ERC1: variants seen among roughly 807,000 people sequenced by gnomAD.
ERC1 encodes ELKS/RAB6-interacting/CAST family member 1, also known as RAB6 interacting protein 2.
A neutral mutation model predicts 132.0 loss-of-function variants in ERC1; 56 were observed. The observed-to-expected ratio is 0.42, with a 90% CI of 0.34 to 0.53. The LOEUF is 0.53. Ranked by LOEUF, ERC1 falls within the 20% of genes least tolerant of loss-of-function variation. The pLI is 0.03. For missense variants in ERC1, 1,202 were observed against 1,349.9 expected, an observed-to-expected ratio of 0.89 and a Z score of 1.72; for synonymous variants, 478 against 476.1, an observed-to-expected ratio of 1.00 and a Z score of -0.05.
chr12:1,073,110 G>C (rs1940704986), intron 2 of ERC1, among the ~76,000 whole-genome samples: 1 of 152,050 alleles, frequency 6.6e-6, no homozygotes, highest in Non-Finnish European at 1.5e-5. Flanking sequence ...GACCATCCTG[G>C]CCAATATGGT....
chr12:1,170,287 GTTAAGTGT>G (rs1471250120), intron 8 of ERC1, among the ~76,000 whole-genome samples: 1 of 152,004 alleles, frequency 6.6e-6, no homozygotes, highest in Non-Finnish European at 1.5e-5. Flanking sequence ...GCCTTTTATT[GTTAAGTGT>G]TTAATTATTC....
At chr12:993,850 C>T (rs1016417062) in intron 1 of ERC1, among the ~76,000 whole-genome samples, 2 of 151,960 alleles carry the variant, frequency 1.3e-5, no homozygotes, top group Non-Finnish European at 2.9e-5. Context: ...TGCAGTGAGC[C>T]GAGATCATGC....
intron 15 of ERC1, among the ~76,000 whole-genome samples, chr12:1,309,438 T>G (rs868644339): frequency 4.6e-5 from 7 of 152,206 alleles, no homozygotes; most frequent in Middle Eastern, 3.2e-3. Context: ...GATGACATCT[T>G]AGTTTAGGAA....
intron 7 of ERC1, among the ~76,000 whole-genome samples, chr12:1,125,684 G>T (rs1171961919): frequency 6.6e-6 from 1 of 152,028 alleles, no homozygotes; most frequent in Non-Finnish European, 1.5e-5. Flanking sequence ...GCACGGTGGT[G>T]CGCACCTGTA....
chr12:1,431,371 C>T (rs1047700092), intron 17 of ERC1, among the ~76,000 whole-genome samples: 3 of 152,152 alleles, frequency 2.0e-5, no homozygotes, highest in African/African-American at 7.2e-5. Context: ...CCAATAGAAA[C>T]ATTTAACCTA....
chr12:1,091,497 G>A (rs1025337733), intron 3 of ERC1, among the ~76,000 whole-genome samples: 1 of 152,132 alleles, frequency 6.6e-6, no homozygotes, highest in Admixed American at 6.5e-5. Context: ...ACTGTATAAG[G>A]GGAAGACTTA....
rs181645890 is a variant in ERC1, at chr12:1,285,140, G to A, written c.2620-4712G>A. ...CCTTAAACATGACAGACTTGATGCT[G>A]GGGAAGTAACTTTCACAGAAACAAT... On this transcript the variant is annotated intron_variant, in intron 14 of 18. Coordinates refer to ENST00000360905, the MANE Select transcript of ERC1 (RefSeq NM_178040.4). Among the ~76,000 whole-genome samples, 449 of 152,180 alleles carry A rather than the reference G, an allele frequency of 3.0e-3. 2 individuals are homozygous for A. Among genetic ancestry groups the A allele is most frequent in the African/African-American group, 9.9e-3 (409 of 41,498 alleles).
At chr12:1,479,344 G>A (rs977157191) in intron 18 of ERC1, among the ~76,000 whole-genome samples, 5 of 152,096 alleles carry the variant, frequency 3.3e-5, no homozygotes, top group East Asian at 1.9e-4. Flanking sequence ...GGCTTGCATC[G>A]ACTGTATAGA....
chr12:1,140,969 A>G (rs1949809723), intron 7 of ERC1, among the ~76,000 whole-genome samples: 1 of 152,170 alleles, frequency 6.6e-6, no homozygotes, highest in South Asian at 2.1e-4. Context: ...ACAGCACTGA[A>G]TCTATGTGTG....
chr12:1,069,184 T>C (rs1468543220), intron 2 of ERC1, among the ~76,000 whole-genome samples: 2 of 152,196 alleles, frequency 1.3e-5, no homozygotes, highest in African/African-American at 4.8e-5. Flanking sequence ...TTGTTTTGTT[T>C]TTATGAAATA....
At chr12:1,433,101 A>G (rs940306882) in intron 17 of ERC1, among the ~76,000 whole-genome samples, 13 of 152,230 alleles carry the variant, frequency 8.5e-5, no homozygotes, top group African/African-American at 2.9e-4. Context: ...ATGCCACAGC[A>G]GCCGTTGCCA....
chr12:1,055,611 T>A (rs540604948), intron 2 of ERC1, among the ~76,000 whole-genome samples: 41 of 152,276 alleles, frequency 2.7e-4, no homozygotes, highest in African/African-American at 8.9e-4. Flanking sequence ...GCTCATAATA[T>A]TTTAGGGGAA....
chr12:1,006,420 C>CA (rs770507290), intron 1 of ERC1, among the ~76,000 whole-genome samples: 24 of 152,164 alleles, frequency 1.6e-4, no homozygotes, highest in East Asian at 1.9e-4. Flanking sequence ...GTTTTTGAGA[C>CA]AGAGTGTTAC....
rs904007378 is a variant in ERC1 at position 1,493,415 on chromosome 12, C to T, written c.*3185C>T. 71 of 165,542 alleles carry T rather than the reference C, an allele frequency of 4.3e-4. No individual in the cohort carries two copies. Among genetic ancestry groups the T allele is most frequent in the Admixed American group, 2.1e-3 (32 of 15,508 alleles). 10.3% of individuals were successfully genotyped at this position (165,542 alleles called of 1,614,324 possible). On this transcript the variant is annotated 3_prime_UTR_variant, in exon 19 of 19. Coordinates refer to ENST00000360905, the MANE Select transcript of ERC1 (RefSeq NM_178040.4). ...AAAATTAGCCAGGCGTGGTGGCGTA[C>T]GCCTGTAATCCCAGCTACTCAGGAG...
chr12:1,337,094 G>T (rs1016802560), intron 15 of ERC1, among the ~76,000 whole-genome samples: 11 of 152,152 alleles, frequency 7.2e-5, no homozygotes, highest in African/African-American at 2.7e-4. Flanking sequence ...GGGATTACAG[G>T]CATGAGCCAC....
chr12:1,034,182 T>G lies in ERC1; in HGVS notation c.669+5610T>G, dbSNP rs1178751797. Among the ~76,000 whole-genome samples the G allele has an allele frequency of 4.6e-5, 7 of 152,290 alleles. No homozygotes were observed. In the South Asian group the frequency reaches 6.2e-4, roughly 14 times the overall value. On this transcript the variant is annotated intron_variant, in intron 2 of 18. Transcript: ENST00000360905. ...ATATGTATTTAGATAATTATCATAG[T>G]GTATCATATTTGAATATTATACAAT...
chr12:1,345,695 A>G (rs562843082), intron 15 of ERC1, among the ~76,000 whole-genome samples: 21 of 152,244 alleles, frequency 1.4e-4, no homozygotes, highest in Middle Eastern at 6.8e-3. Flanking sequence ...CAAGGTTTAT[A>G]ATATTTACAT....
intron 2 of ERC1, among the ~76,000 whole-genome samples, chr12:1,073,152 T>A (rs528829979): frequency 3.8e-4 from 58 of 152,130 alleles, no homozygotes; most frequent in African/African-American, 1.3e-3. Flanking sequence ...ATACAAAAAT[T>A]AGCTAGGCAT....
At chr12:1,437,227 C>G (rs1346922879) in intron 17 of ERC1, among the ~76,000 whole-genome samples, 1 of 152,158 alleles carries the variant, frequency 6.6e-6, no homozygotes, top group Non-Finnish European at 1.5e-5. Context: ...TTTCAGCAGC[C>G]ATCCTTTCAG....
Sources: allele counts gnomAD v4.1 joint callset (sites outside exome capture counted in the v4.1 genomes callset), GRCh38; gene constraint gnomAD v4.1.1; transcripts MANE v1.5; gene names NCBI Gene and HGNC (gene_info 2026-07-23, HGNC 2026-07-21).